Variants in LANCL3 observed in about 807,000 individuals in gnomAD.
The protein encoded by LANCL3 is lanC-like protein 3.
In LANCL3, 19 loss-of-function variants were observed where a neutral mutation model predicts 26.5. The observed-to-expected ratio is 0.72, with a 90% CI of 0.50 to 1.05. The LOEUF is 1.05. LANCL3 is among the 50% of genes least tolerant of loss of function. LANCL3 has a pLI of 0.00. For missense variants in LANCL3, 318 were observed against 362.7 expected (o/e 0.88, Z 1.00); for synonymous variants, 160 against 166.6 (o/e 0.96, Z 0.30).
Position 37,638,566 on chromosome X carries a change from A to G in LANCL3, c.574-17122A>G, listed in dbSNP as rs1415482778. The stretch of plus-strand genomic sequence containing the variant: ...ACAAAATGTATTAACAGACAGCTAA[A>G]CTATTCATTCTACCATATAACAGAT... On this transcript the variant is annotated intron_variant, in intron 1 of 4. Transcript: ENST00000378619. 4.5e-5 allele frequency among the ~76,000 whole-genome samples: 5 copies of G among 111,793 alleles called. No homozygotes were observed. In the South Asian group the frequency reaches 1.9e-3, roughly 42 times the overall value.
intron 1 of LANCL3, among the ~76,000 whole-genome samples, chrX:37,609,201 C>A (rs1556420835): frequency 1.8e-5 from 2 of 112,151 alleles, no homozygotes. Context: ...CAACCTTCCA[C>A]CTGCTAAAAA....
intron 1 of LANCL3, among the ~76,000 whole-genome samples, chrX:37,607,164 A>G (rs932339716): frequency 1.8e-5 from 2 of 112,491 alleles, no homozygotes; most frequent in African/African-American, 6.5e-5. Context: ...TTTAAAGGCA[A>G]AAGTGCCAAG....
chrX:37,659,583 C>G lies in LANCL3; in HGVS notation c.819C>G (p.Asn273Lys). 1 of 1,210,582 alleles carries G rather than the reference C, an allele frequency of 8.3e-7. No homozygotes were observed. Among genetic ancestry groups the G allele is most frequent in the Non-Finnish European group, 1.1e-6 (1 of 894,970 alleles). ...ACTTTCTCATGGAACAGGAACAAAA[C>G]TGCAACTGGCCACCTGAGCTCGGCG... Reference protein sequence around the residue: ...SVDFLMEQEQNCNWPPELGET... With the variant: ...SVDFLMEQEQKCNWPPELGET... Residue 273 changes from asparagine (N) to lysine (K), a missense_variant, in exon 3 of 5, where the codon AAC (asparagine) becomes AAG (lysine). Asn to Lys is a moderately conservative substitution (Grantham distance 94, BLOSUM62 0). Transcript: ENST00000378619.
At chrX:37,599,962 A>G (rs1924537238) in intron 1 of LANCL3, among the ~76,000 whole-genome samples, 2 of 110,469 alleles carry the variant, frequency 1.8e-5, no homozygotes, top group Non-Finnish European at 3.8e-5. Flanking sequence ...AGATATTTGT[A>G]TTGGCTCATC....
At chrX:37,585,335 A>C (rs1295786375) in intron 1 of LANCL3, among the ~76,000 whole-genome samples, 58 of 111,108 alleles carry the variant, frequency 5.2e-4, no homozygotes, top group Non-Finnish European at 1.9e-5. Context: ...AGCTGAGTTC[A>C]ATTCCTGGGT....
intron 1 of LANCL3, among the ~76,000 whole-genome samples, chrX:37,587,850 A>C (rs1235783544): frequency 8.9e-6 from 1 of 112,095 alleles, no homozygotes; most frequent in Non-Finnish European, 1.9e-5. Context: ...CCAGTACCTT[A>C]GTTGGAAATG....
At chrX:37,573,978 CTT>C (rs782602955) in intron 1 of LANCL3, among the ~76,000 whole-genome samples, 2 of 77,632 alleles carry the variant, frequency 2.6e-5, no homozygotes. Context: ...CAAACCAGGT[CTT>C]TTTTTTTTTT....
intron 1 of LANCL3, among the ~76,000 whole-genome samples, chrX:37,644,332 T>C (rs1180809531): frequency 8.9e-6 from 1 of 112,007 alleles, no homozygotes; most frequent in African/African-American, 3.3e-5. Context: ...GATCACTAGA[T>C]GGTTTTTAGG....
At chrX:37,609,341 A>G (rs1924799691) in intron 1 of LANCL3, among the ~76,000 whole-genome samples, 2 of 111,894 alleles carry the variant, frequency 1.8e-5, no homozygotes, top group African/African-American at 6.5e-5. Context: ...TAAAACTTAA[A>G]TGGCTTCTGG....
chrX:37,589,503 G>T (rs1193637506), intron 1 of LANCL3, among the ~76,000 whole-genome samples: 1 of 111,318 alleles, frequency 9.0e-6, no homozygotes, highest in African/African-American at 3.3e-5. Flanking sequence ...TTGAGTATTG[G>T]TGGGCTTCAG....
intron 1 of LANCL3, among the ~76,000 whole-genome samples, chrX:37,621,044 T>A (rs1463900416): frequency 9.0e-6 from 1 of 111,693 alleles, no homozygotes; most frequent in Admixed American, 9.5e-5. Flanking sequence ...CTTGTTTCTG[T>A]CACATCAGTA....
chrX:37,574,227 G>A (rs782557070), intron 1 of LANCL3, among the ~76,000 whole-genome samples: 1 of 110,593 alleles, frequency 9.0e-6, no homozygotes, highest in Non-Finnish European at 1.9e-5. Flanking sequence ...GCCCTTTGAG[G>A]GGAAAGTAGA....
intron 1 of LANCL3, among the ~76,000 whole-genome samples, chrX:37,630,390 CT>C (rs1259327212): frequency 1.8e-5 from 2 of 110,752 alleles, no homozygotes; most frequent in African/African-American, 6.6e-5. Context: ...ATCATGTCAT[CT>C]GCAAACAGGG....
intron 1 of LANCL3, among the ~76,000 whole-genome samples, chrX:37,639,637 G>T (rs1556425722): frequency 9.0e-6 from 1 of 111,271 alleles, no homozygotes; most frequent in Middle Eastern, 4.2e-3. Context: ...ATGAGATTAA[G>T]CTCAGTTGCT....
intron 1 of LANCL3, among the ~76,000 whole-genome samples, chrX:37,649,810 A>T (rs972783939): frequency 9.0e-6 from 1 of 111,341 alleles, no homozygotes; most frequent in Non-Finnish European, 1.9e-5. Context: ...TGAGTCCTCC[A>T]TGACTCACAC....
In LANCL3 at chrX:37,599,689, A is replaced by G. The variant is rs186817561; in HGVS notation, c.573+27246A>G. Among the ~76,000 whole-genome samples, 321 of 112,554 alleles carry G rather than the reference A, an allele frequency of 2.9e-3. 1 individual carries two copies. The highest frequency in any genetic ancestry group is 9.7e-3 in the African/African-American group (302 of 31,054). On this transcript the variant is annotated intron_variant, in intron 1 of 4. Transcript: ENST00000378619. The stretch of plus-strand genomic sequence containing the variant: ...CTTGGTGCACTGTTCAGAGCACCAC[A>G]ACATACAGTGGCATAATCACTGTAG...
chrX:37,577,496 G>C (rs781797332), intron 1 of LANCL3, among the ~76,000 whole-genome samples: 137 of 112,471 alleles, frequency 1.2e-3, no homozygotes, highest in African/African-American at 3.6e-3. Flanking sequence ...ATTTCTGTAG[G>C]TGACAAAGTT....
At chrX:37,626,084 GA>G (rs1236828436) in intron 1 of LANCL3, among the ~76,000 whole-genome samples, 15 of 112,313 alleles carry the variant, frequency 1.3e-4, no homozygotes, top group African/African-American at 4.8e-4. Flanking sequence ...ACATGGCAAA[GA>G]TGTGGATATA....
intron 1 of LANCL3, among the ~76,000 whole-genome samples, chrX:37,574,673 A>G (rs1338306504): frequency 1.8e-5 from 2 of 111,238 alleles, no homozygotes; most frequent in East Asian, 5.6e-4. Flanking sequence ...GTGGCTTGTC[A>G]TCTCACAAAG....
Sources: allele counts gnomAD v4.1 joint callset (sites outside exome capture counted in the v4.1 genomes callset), GRCh38; gene constraint gnomAD v4.1.1; transcripts MANE v1.5; gene names NCBI Gene and HGNC (gene_info 2026-07-23, HGNC 2026-07-21).